The following CBY3 variants were observed in gnomAD, a reference collection of about 807,000 sequenced individuals.
The protein encoded by CBY3 is sperm annulus positioning complex subunit Chibby3.
CBY3 carries 7 observed loss-of-function variants against 3.0 expected under a neutral mutation model. The ratio of observed to expected loss-of-function variants is 2.32; its 90% CI spans 1.32 to 4.35. CBY3 has a LOEUF of 4.35. Among genes scored for constraint, CBY3 ranks in the 30% most tolerant of loss-of-function variants. The pLI is 0.00. For synonymous variants in CBY3, 170 were observed against 154.5 expected (o/e 1.10, Z -0.74); for missense variants, 400 against 336.4 (o/e 1.19, Z -1.48).
In CBY3 at chr5:179,678,646, G is replaced by A. The variant is rs1299998934; in HGVS notation, c.666C>T (p.Arg222=). 9 of 1,534,050 alleles carry A rather than the reference G, an allele frequency of 5.9e-6. No homozygotes were observed. In the Admixed American group the frequency reaches 1.4e-4, roughly 23 times the overall value. The stretch of plus-strand genomic sequence containing the variant: ...CGCCCGCGCTGGCGCCTGCGCGCTT[G>A]CGCATCTTCCTCTGCCCGGCGCGCG... ...AAARAGQRKM[R]KRAGASAGVL... is the part of the protein sequence containing the mutation. The change falls in exon 2 of 2, where the codon CGC becomes CGT. Residue 222 remains arginine (R), a synonymous_variant. Coordinates refer to ENST00000376974, the MANE Select transcript of CBY3 (RefSeq NM_001164444.2).
At chr5:179,680,382 T>C (rs1252439330) in intron 1 of CBY3, among the ~76,000 whole-genome samples, 1 of 152,148 alleles carries the variant, frequency 6.6e-6, no homozygotes, top group Non-Finnish European at 1.5e-5. Flanking sequence ...TTTGATAGAC[T>C]TGAACTAGCA....
chr5:179,680,549 C>A (rs1776036432), intron 1 of CBY3, among the ~76,000 whole-genome samples: 1 of 152,070 alleles, frequency 6.6e-6, no homozygotes, highest in African/African-American at 2.4e-5. Flanking sequence ...TGGGCTAGAC[C>A]TATGCATAGG....
chr5:179,680,645 C>T (rs531983382), intron 1 of CBY3, among the ~76,000 whole-genome samples: 1 of 152,100 alleles, frequency 6.6e-6, no homozygotes, highest in African/African-American at 2.4e-5. Flanking sequence ...GTCCAGATAA[C>T]AGACAAGTCC....
At position 179,678,623 on chromosome 5, in the gene CBY3, C is replaced by A. The variant is rs892039992; in HGVS notation, c.689G>T (p.Gly230Val). Residue 230 changes from glycine to valine, a missense_variant, in exon 2 of 2, where the codon GGC becomes GTC. Gly to Val is a moderately radical substitution (Grantham distance 109). Transcript: ENST00000376974. The part of the protein sequence containing the change: ...KMRKRAGASA[G>V]VLMIQPCALD... ...AGCGCACGGCTGGATCATGAGCACGCCCGCGCTGGCGCCTGCGCGCTTGCG... is the reference window on the plus strand; with the variant it reads ...AGCGCACGGCTGGATCATGAGCACGACCGCGCTGGCGCCTGCGCGCTTGCG... The A allele has an allele frequency of 7.8e-6, 12 of 1,532,368 alleles. No homozygotes were observed. The highest frequency in any genetic ancestry group is 1.0e-5 in the Non-Finnish European group (12 of 1,143,898). 94.9% of individuals were successfully genotyped at this position (1,532,368 alleles called of 1,614,324 possible).
At position 179,678,649 on chromosome 5, in the gene CBY3, C is replaced by T. The variant is rs774855235; in HGVS notation, c.663G>A (p.Met221Ile). Residue 221 changes from methionine to isoleucine, a missense_variant, in exon 2 of 2, where the codon ATG becomes ATA. Transcript: ENST00000376974. ...CCGCGCTGGCGCCTGCGCGCTTGCGCATCTTCCTCTGCCCGGCGCGCGCCG... is the reference window on the plus strand; with the variant it reads ...CCGCGCTGGCGCCTGCGCGCTTGCGTATCTTCCTCTGCCCGGCGCGCGCCG... ...TAAARAGQRK[M>I]RKRAGASAGV... The T allele has an allele frequency of 1.3e-6, 2 of 1,534,406 alleles. No homozygotes were observed. The highest frequency in any genetic ancestry group is 1.2e-5 in the South Asian group (1 of 83,950).
chr5:179,680,684 C>A (rs972811550), intron 1 of CBY3, among the ~76,000 whole-genome samples, 189 bp downstream of exon 1: 2 of 152,146 alleles, frequency 1.3e-5, no homozygotes, highest in Non-Finnish European at 2.9e-5. Context: ...CTGCACCCCC[C>A]ACCCCTGCCC....
At position 179,678,935 on chromosome 5, in the gene CBY3, C is replaced by G. The variant is rs1365516933; in HGVS notation, c.377G>C (p.Arg126Pro). Reference sequence around the variant, plus strand: ...GAACACGAAGGCCTGGTTGCTGAGGCGCATGCACGGCGCGCCGTAGGCGAG... The same window carrying G: ...GAACACGAAGGCCTGGTTGCTGAGGGGCATGCACGGCGCGCCGTAGGCGAG... ...LGLAYGAPCM[R>P]LSNQAFVFRG... Residue 126 changes from arginine to proline, a missense_variant, in exon 2 of 2, where the codon CGC (arginine) becomes CCC (proline). Physicochemically the swap from Arg to Pro is moderately radical, Grantham distance 103 (BLOSUM62 -2). Transcript: ENST00000376974. 2.0e-6 allele frequency: 3 copies of G among 1,535,260 alleles called. No individual in the cohort carries two copies. The highest frequency in any genetic ancestry group is 2.6e-6 in the Non-Finnish European group (3 of 1,145,892).
At chr5:179,680,828 AC>A in intron 1 of CBY3, 44 bp downstream of exon 1, 2 of 1,470,790 alleles carry the variant, frequency 1.4e-6, no homozygotes, top group Non-Finnish European at 1.8e-6. Flanking sequence ...TTCATAATAC[AC>A]TTATCCCTCA....
chr5:179,679,357 C>T (rs930823976), intron 1 of CBY3, 92 bp from the exon 2 acceptor site: 3 of 1,105,400 alleles, frequency 2.7e-6, no homozygotes, highest in Non-Finnish European at 3.8e-6. Context: ...CCTGCAGCTA[C>T]GGCTGCGGCT....
chr5:179,679,361 T>A, intron 1 of CBY3, 96 bp from the exon 2 acceptor site: 1 of 1,091,850 alleles, frequency 9.2e-7, no homozygotes. Flanking sequence ...CAGCTACGGC[T>A]GCGGCTGTGT....
In CBY3 at chr5:179,679,159, C is replaced by T. The variant is rs150972331; in HGVS notation, c.153G>A (p.Val51=). 3 of 1,535,448 alleles carry T rather than the reference C, an allele frequency of 2.0e-6. No individual in the cohort carries two copies. The highest frequency in any genetic ancestry group is 2.4e-5 in the East Asian group (1 of 40,916). ...TTGCCAGGGCGTGGACCTTGTAGGG[C>T]ACGCAGGTGCTCGAAGGGGAGCCTC... ...RSRGSPSSTC[V]PYKVHALATF... is the part of the protein sequence containing the mutation. Residue 51 remains valine, a synonymous_variant, in exon 2 of 2, where the codon GTG becomes GTA. Transcript: ENST00000376974.
In CBY3 at chr5:179,678,875, G is replaced by A; in HGVS notation, c.437C>T (p.Ala146Val). Residue 146 changes from alanine (A) to valine (V), a missense_variant, in exon 2 of 2, where the codon GCG (alanine) becomes GTG (valine). Transcript: ENST00000376974. ...CGAGAGCAGCGGCGACCGCGTCCTC[G>A]CCAGCTGGCTCTCAGTGGTCCACCG... ...GGRWTTESQL[A>V]RTRSPLLSRT... The A allele has an allele frequency of 6.5e-7, 1 of 1,536,222 alleles. No individual in the cohort carries two copies.
At chr5:179,680,107 G>A (rs1054377716) in intron 1 of CBY3, among the ~76,000 whole-genome samples, 8 of 151,900 alleles carry the variant, frequency 5.3e-5, no homozygotes, top group Non-Finnish European at 7.4e-5. Flanking sequence ...CACTGTACCC[G>A]GCAGGGCAGG....
intron 1 of CBY3, among the ~76,000 whole-genome samples, chr5:179,680,620 C>G (rs1204876540): frequency 6.6e-6 from 1 of 152,086 alleles, no homozygotes; most frequent in Non-Finnish European, 1.5e-5. Context: ...AAACTGTGCC[C>G]TCAGGAAGTC....
At position 179,679,276 on chromosome 5, in the gene CBY3, A is replaced by G. The variant is rs1775989743; in HGVS notation, c.47-11T>C. The G allele has an allele frequency of 6.6e-7, 1 of 1,514,932 alleles. No homozygotes were observed. The highest frequency in any genetic ancestry group is 1.4e-5 in the African/African-American group (1 of 72,554). 93.8% of individuals were successfully genotyped at this position (1,514,932 alleles called of 1,614,324 possible). ...AGCCAGGGGGCGCTGCTGGGAGACA[A>G]GAGTCCGGGTGAGCAGCGTGCTTGG... is the stretch of plus-strand genomic sequence containing the variant. On this transcript the variant is annotated splice_polypyrimidine_tract_variant and intron_variant, in intron 1 of 1. Transcript: ENST00000376974.
chr5:179,678,949 G>T lies in CBY3; in HGVS notation c.363C>A (p.Gly121=). 6.5e-7 allele frequency: 1 copy of T among 1,535,288 alleles called. No homozygotes were observed. Among genetic ancestry groups the T allele is most frequent in the Non-Finnish European group, 8.7e-7 (1 of 1,145,958 alleles). Residue 121 remains glycine, a synonymous_variant, in exon 2 of 2, where the codon GGC becomes GGA. Coordinates refer to ENST00000376974, the MANE Select transcript of CBY3 (RefSeq NM_001164444.2). The part of the protein sequence containing the change: ...TRQAELGLAY[G]APCMRLSNQA... ...GGTTGCTGAGGCGCATGCACGGCGCGCCGTAGGCGAGGCCCAGCTCGGCCT... is the reference window on the plus strand; with the variant it reads ...GGTTGCTGAGGCGCATGCACGGCGCTCCGTAGGCGAGGCCCAGCTCGGCCT...
intron 1 of CBY3, 141 bp downstream of exon 1, chr5:179,680,732 T>TG (rs1407846655): frequency 4.3e-5 from 26 of 601,896 alleles, no homozygotes; most frequent in Non-Finnish European, 7.0e-5. Flanking sequence ...AAGGGAGCTA[T>TG]GTGTTGTTTC....
chr5:179,679,873 G>A (rs1394088531), intron 1 of CBY3, among the ~76,000 whole-genome samples: 1 of 151,448 alleles, frequency 6.6e-6, no homozygotes, highest in Non-Finnish European at 1.5e-5. Flanking sequence ...TGGCCAGGCT[G>A]GTCTCGAACT....
In CBY3 at chr5:179,678,645, T is replaced by G. The variant is rs1384661169; in HGVS notation, c.667A>C (p.Lys223Gln). Residue 223 changes from lysine to glutamine, a missense_variant, in exon 2 of 2, where the codon AAG becomes CAG. Coordinates refer to ENST00000376974, the MANE Select transcript of CBY3 (RefSeq NM_001164444.2). ...AARAGQRKMRKRAGASAGVLM... is the reference protein window; with the variant it reads ...AARAGQRKMRQRAGASAGVLM... ...ACGCCCGCGCTGGCGCCTGCGCGCT[T>G]GCGCATCTTCCTCTGCCCGGCGCGC... The G allele has an allele frequency of 4.6e-6, 7 of 1,533,778 alleles. No homozygotes were observed. Among genetic ancestry groups the G allele is most frequent in the African/African-American group, 1.4e-5 (1 of 72,928 alleles).
Sources: allele counts gnomAD v4.1 joint callset (sites outside exome capture counted in the v4.1 genomes callset), GRCh38; gene constraint gnomAD v4.1.1; transcripts MANE v1.5; gene names NCBI Gene and HGNC (gene_info 2026-07-23, HGNC 2026-07-21).